Variants in ABHD18 observed in about 807,000 individuals in gnomAD.
The protein encoded by ABHD18 is cardiolipin-specific deacylase, mitochondrial.
A neutral mutation model predicts 65.9 loss-of-function variants in ABHD18; 55 were observed. The observed-to-expected ratio is 0.84, with a 90% CI of 0.67 to 1.05. The LOEUF (loss-of-function observed/expected upper bound fraction) is 1.05. ABHD18 is among the 50% of genes least tolerant of loss of function. ABHD18 has a pLI of 0.00. For synonymous variants in ABHD18, 181 were observed against 180.2 expected (o/e 1.00, Z -0.04); for missense variants, 533 against 558.5 (o/e 0.95, Z 0.46).
rs1491380654 is a variant in ABHD18, at chr4:128,039,144, C to CGT, written c.*3331_*3332insGT. 8.1e-4 allele frequency: 81 copies of CGT among 99,736 alleles called. 1 individual carries two copies. Among genetic ancestry groups the CGT allele is most frequent in the African/African-American group, 2.8e-3 (75 of 26,814 alleles). 6.2% of individuals were successfully genotyped at this position (99,736 alleles called of 1,614,324 possible). On this transcript the variant is annotated 3_prime_UTR_variant, in exon 13 of 13. Transcript: ENST00000645843. ...TATGTATTATATATACACACATATG[C>CGT]ATATATATATATATATATATATATA... is the stretch of plus-strand genomic sequence containing the variant.
In ABHD18 at chr4:128,038,617, G is replaced by A. The variant is rs1452895009; in HGVS notation, c.*2804G>A. On this transcript the variant is annotated 3_prime_UTR_variant, in exon 13 of 13. Coordinates refer to ENST00000645843, the MANE Select transcript of ABHD18 (RefSeq NM_001358451.3). ...TTAAGAATATATCCCTAGGCCGGGT[G>A]CAGTGGCTCACACCTGTAATCCCAG... 6.6e-6 allele frequency: 1 copy of A among 152,178 alleles called. No homozygotes were observed. The highest frequency in any genetic ancestry group is 2.4e-5 in the African/African-American group (1 of 41,462). 9.4% of individuals were successfully genotyped at this position (152,178 alleles called of 1,614,324 possible).
intron 4 of ABHD18, among the ~76,000 whole-genome samples, chr4:128,001,304 A>G (rs1752594449): frequency 6.6e-6 from 1 of 152,164 alleles, no homozygotes; most frequent in Non-Finnish European, 1.5e-5. Context: ...ATTTTGAGGT[A>G]TCTTCCTTTG....
intron 6 of ABHD18, 125 bp from the exon 7 acceptor site, chr4:128,011,548 C>T: frequency 4.0e-6 from 2 of 496,790 alleles, no homozygotes; most frequent in Non-Finnish European, 6.6e-6. Context: ...AAACAGCCTA[C>T]TTAAGATAAT....
At chr4:128,031,192 C>T (rs1447385880) in intron 12 of ABHD18, 63 of 963,566 alleles carry the variant, frequency 6.5e-5, no homozygotes, top group Admixed American at 1.2e-4. Flanking sequence ...CGGTGGCTTA[C>T]GCCTGTAATC....
chr4:128,023,926 C>T (rs1186686472), intron 10 of ABHD18, among the ~76,000 whole-genome samples: 1 of 152,130 alleles, frequency 6.6e-6, no homozygotes, highest in African/African-American at 2.4e-5. Flanking sequence ...AGTTCCTATA[C>T]ATATAATCAG....
intron 4 of ABHD18, among the ~76,000 whole-genome samples, chr4:128,005,883 T>C (rs1753520167): frequency 6.6e-6 from 1 of 152,224 alleles, no homozygotes; most frequent in Non-Finnish European, 1.5e-5. Flanking sequence ...CCTATGTCTA[T>C]GTCATGGGCA....
chr4:127,984,724 G>T (rs1749667737), intron 3 of ABHD18, among the ~76,000 whole-genome samples: 1 of 152,142 alleles, frequency 6.6e-6, no homozygotes, highest in Non-Finnish European at 1.5e-5. Flanking sequence ...GCCGGGCATG[G>T]TGGCACATGC....
At position 128,037,922 on chromosome 4, in the gene ABHD18, G is replaced by A. The variant is rs762408542; in HGVS notation, c.*2109G>A. 2.0e-5 allele frequency: 3 copies of A among 151,990 alleles called. No homozygotes were observed. Among genetic ancestry groups the A allele is most frequent in the African/African-American group, 4.8e-5 (2 of 41,386 alleles). 9.4% of individuals were successfully genotyped at this position (151,990 alleles called of 1,614,324 possible). ...TGTCAGCTAAAATGTTAAAAAAGTC[G>A]AAAATATTTTAGGGTATTGTGTGAA... is the stretch of plus-strand genomic sequence containing the variant. On this transcript the variant is annotated 3_prime_UTR_variant, in exon 13 of 13. Coordinates refer to ENST00000645843, the MANE Select transcript of ABHD18 (RefSeq NM_001358451.3).
chr4:128,021,996 G>A (rs918788239), intron 10 of ABHD18, among the ~76,000 whole-genome samples: 3 of 152,028 alleles, frequency 2.0e-5, no homozygotes, highest in East Asian at 1.9e-4. Flanking sequence ...ACCAAACACC[G>A]CATGTTCTCA....
chr4:127,968,630 A>G (rs1210770729), intron 1 of ABHD18, among the ~76,000 whole-genome samples: 1 of 152,238 alleles, frequency 6.6e-6, no homozygotes, highest in Non-Finnish European at 1.5e-5. Context: ...TTTCTAGGAA[A>G]GACTTTTTAG....
intron 4 of ABHD18, among the ~76,000 whole-genome samples, chr4:127,994,459 T>C (rs1366321834): frequency 6.6e-6 from 1 of 151,950 alleles, no homozygotes; most frequent in Non-Finnish European, 1.5e-5. Context: ...TGATGGCGGG[T>C]GCCTGTAATC....
At chr4:128,011,801 T>C in intron 7 of ABHD18, 101 bp downstream of exon 7, 4 of 316,576 alleles carry the variant, frequency 1.3e-5, no homozygotes, top group East Asian at 1.3e-4. Flanking sequence ...ATTGAATACC[T>C]AAATATTATG....
chr4:128,007,858 A>G (rs1208376779), intron 4 of ABHD18, among the ~76,000 whole-genome samples: 1 of 152,120 alleles, frequency 6.6e-6, no homozygotes, highest in East Asian at 1.9e-4. Context: ...AGATTCTATC[A>G]TATACTAAAA....
chr4:128,028,585 C>A lies in ABHD18; in HGVS notation c.912C>A (p.Asn304Lys). The change falls in exon 11 of 13, where the codon AAC becomes AAA. Residue 304 changes from asparagine (N) to lysine (K), a missense_variant. Transcript: ENST00000645843. ...VSRTLNLDIS[N>K]QVVSQKPADC... ...GAACTTTAAATTTAGATATATCAAACCAAGTTGTATCCCAAAAACCTGCTG... is the reference window on the plus strand; with the variant it reads ...GAACTTTAAATTTAGATATATCAAAACAAGTTGTATCCCAAAAACCTGCTG... The A allele has an allele frequency of 6.2e-7, 1 of 1,613,768 alleles. No homozygotes were observed. Among genetic ancestry groups the A allele is most frequent in the Non-Finnish European group, 8.5e-7 (1 of 1,179,808 alleles).
chr4:127,979,063 G>GA (rs1748494171), intron 1 of ABHD18, among the ~76,000 whole-genome samples: 1 of 151,974 alleles, frequency 6.6e-6, no homozygotes, highest in Non-Finnish European at 1.5e-5. Context: ...AGCTAAATGT[G>GA]AACAACCTAC....
intron 10 of ABHD18, among the ~76,000 whole-genome samples, chr4:128,027,819 A>C (rs973438227): frequency 6.6e-6 from 1 of 152,192 alleles, no homozygotes; most frequent in Non-Finnish European, 1.5e-5. Flanking sequence ...TCAAAGGTTA[A>C]GGCAGATCAT....
intron 4 of ABHD18, among the ~76,000 whole-genome samples, chr4:127,992,237 C>G (rs1357980654): frequency 6.6e-6 from 1 of 152,056 alleles, no homozygotes; most frequent in Non-Finnish European, 1.5e-5. Flanking sequence ...TTTGGGAGGC[C>G]TAGGAGGGCG....
intron 1 of ABHD18, 87 bp downstream of exon 1, chr4:127,965,693 C>T (rs1037894259): frequency 7.6e-5 from 13 of 170,986 alleles, no homozygotes; most frequent in African/African-American, 3.1e-4. Flanking sequence ...GAGGCAGGGA[C>T]CGGGGACGCG....
chr4:128,027,444 C>T (rs1757538925), intron 10 of ABHD18, among the ~76,000 whole-genome samples: 2 of 150,812 alleles, frequency 1.3e-5, no homozygotes, highest in African/African-American at 2.4e-5. Flanking sequence ...CTCACTCTGT[C>T]GCCCAGGCTG....
Sources: gnomAD v4.1 joint callset for allele counts (sites outside exome capture counted in the v4.1 genomes callset) on GRCh38, gnomAD v4.1.1 for gene constraint, MANE v1.5 for transcripts, NCBI Gene and HGNC (gene_info 2026-07-23, HGNC 2026-07-21) for gene names.